The following SMYD3 variants were observed in gnomAD, a reference collection of about 807,000 sequenced individuals.
SMYD3 encodes the protein histone-lysine N-methyltransferase SMYD3.
In SMYD3, 36 loss-of-function variants were observed where a neutral mutation model predicts 57.7. That is an observed-to-expected ratio of 0.62 (90% CI 0.48 to 0.82). The LOEUF is 0.82. SMYD3 is among the 40% of genes least tolerant of loss of function. The probability of loss-of-function intolerance (pLI) is 0.00; values close to 1 mark genes in which losing one functional copy is unlikely to be tolerated. For synonymous variants in SMYD3, 211 were observed against 195.0 expected (o/e 1.08, Z -0.68); for missense variants, 515 against 538.8 (o/e 0.96, Z 0.44).
At position 246,350,429 on chromosome 1, in the gene SMYD3, C is replaced by T. The variant is rs142657129; in HGVS notation, c.228+4602G>A. ...CAATGCAGCTAATCCAGAAAAGAGACCATGGTAACAGGTAGTACTAAAGAA... is the reference window on the plus strand; with the variant it reads ...CAATGCAGCTAATCCAGAAAAGAGATCATGGTAACAGGTAGTACTAAAGAA... On this transcript the variant is annotated intron_variant, in intron 2 of 11. Coordinates refer to ENST00000490107, the MANE Select transcript of SMYD3 (RefSeq NM_001167740.2). 2.0e-3 allele frequency among the ~76,000 whole-genome samples: 302 copies of T among 152,278 alleles called. 1 individual carries two copies. The highest frequency in any genetic ancestry group is 7.1e-3 in the African/African-American group (296 of 41,554).
intron 5 of SMYD3, among the ~76,000 whole-genome samples, chr1:246,144,387 C>A (rs1298308768): frequency 6.6e-6 from 1 of 152,202 alleles, no homozygotes; most frequent in African/African-American, 2.4e-5. Flanking sequence ...TATTATTAAA[C>A]TACAGTTTTT....
intron 5 of SMYD3, among the ~76,000 whole-genome samples, chr1:246,120,756 A>T (rs2061412681): frequency 6.6e-6 from 1 of 151,910 alleles, no homozygotes; most frequent in African/African-American, 2.4e-5. Context: ...CTCCAACCCA[A>T]CCATCCCTCC....
chr1:246,258,600 A>T (rs961639226), intron 5 of SMYD3, among the ~76,000 whole-genome samples: 1 of 152,180 alleles, frequency 6.6e-6, no homozygotes, highest in African/African-American at 2.4e-5. Flanking sequence ...TTGGCCTGAT[A>T]GGGCTCCTGT....
intron 5 of SMYD3, among the ~76,000 whole-genome samples, chr1:246,064,391 G>A (rs191079968): frequency 2.6e-5 from 4 of 152,226 alleles, no homozygotes; most frequent in African/African-American, 9.6e-5. Flanking sequence ...CAGAAAGCAT[G>A]GCACTTTCTT....
chr1:246,409,038 G>C (rs959571098), intron 1 of SMYD3, among the ~76,000 whole-genome samples: 1 of 151,722 alleles, frequency 6.6e-6, no homozygotes, highest in East Asian at 1.9e-4. Flanking sequence ...TTTTTTTCTT[G>C]TAAATTTGTT....
At chr1:246,003,273 A>G (rs1009985479) in intron 5 of SMYD3, among the ~76,000 whole-genome samples, 1 of 152,224 alleles carries the variant, frequency 6.6e-6, no homozygotes, top group Non-Finnish European at 1.5e-5. Context: ...GAAGGTTGTC[A>G]TCTGCTTCTC....
intron 5 of SMYD3, among the ~76,000 whole-genome samples, chr1:246,042,564 G>A (rs376615934): frequency 2.0e-5 from 3 of 152,274 alleles, no homozygotes; most frequent in East Asian, 3.9e-4. Flanking sequence ...TTAGTGAACC[G>A]ATTCTAACAC....
intron 1 of SMYD3, among the ~76,000 whole-genome samples, chr1:246,504,348 G>T (rs1427241128): frequency 6.6e-6 from 1 of 152,132 alleles, no homozygotes. Context: ...ACACACCTAG[G>T]CTAGCAGGTA....
At chr1:245,984,784 T>G (rs745779588) in intron 5 of SMYD3, among the ~76,000 whole-genome samples, 1 of 152,178 alleles carries the variant, frequency 6.6e-6, no homozygotes, top group Non-Finnish European at 1.5e-5. Context: ...ATGTTCAAAT[T>G]TGTCATCTTA....
At chr1:246,174,417 G>A (rs10924530) in intron 5 of SMYD3, among the ~76,000 whole-genome samples, 34,569 of 151,976 alleles carry the variant, frequency 0.23, 4,625 homozygotes, top group African/African-American at 0.35. Flanking sequence ...ACATCATTAT[G>A]CTGCCATGAC....
intron 5 of SMYD3, among the ~76,000 whole-genome samples, chr1:246,227,528 T>A (rs2063346919): frequency 6.6e-6 from 1 of 151,926 alleles, no homozygotes; most frequent in Non-Finnish European, 1.5e-5. Flanking sequence ...GGCAGGAGAA[T>A]CACTTGAACG....
chr1:246,326,204 C>T, intron 5 of SMYD3: 1 of 439,390 alleles, frequency 2.3e-6, no homozygotes, highest in South Asian at 6.2e-5. Context: ...CGTGTGCTTA[C>T]AAATTACAAA....
intron 10 of SMYD3, chr1:245,788,902 T>C (rs2047154846): frequency 6.6e-6 from 1 of 152,226 alleles, no homozygotes; most frequent in Non-Finnish European, 1.5e-5. Flanking sequence ...GTGGTGCCAG[T>C]GTGCCACTGC....
intron 5 of SMYD3, among the ~76,000 whole-genome samples, chr1:246,172,167 T>C (rs2062347500): frequency 6.6e-6 from 1 of 152,090 alleles, no homozygotes; most frequent in Admixed American, 6.5e-5. Context: ...TACTGTAGAC[T>C]ATCCACACTG....
At chr1:245,784,502 C>T (rs1037689126) in intron 10 of SMYD3, among the ~76,000 whole-genome samples, 2 of 152,162 alleles carry the variant, frequency 1.3e-5, no homozygotes, top group African/African-American at 2.4e-5. Context: ...CTCAAAACAG[C>T]TGCAGCTCAA....
intron 1 of SMYD3, among the ~76,000 whole-genome samples, chr1:246,444,185 T>G (rs1398702432): frequency 6.7e-6 from 1 of 149,226 alleles, no homozygotes; most frequent in Non-Finnish European, 1.5e-5. Context: ...AGAGTGCAGG[T>G]GCTTGATCTC....
intron 1 of SMYD3, among the ~76,000 whole-genome samples, chr1:246,356,735 CA>C (rs1357379948): frequency 1.3e-5 from 2 of 152,032 alleles, no homozygotes; most frequent in Non-Finnish European, 2.9e-5. Flanking sequence ...CCCAATCCAT[CA>C]AAGACAAAGA....
At chr1:245,823,458 C>G (rs1192527971) in intron 10 of SMYD3, among the ~76,000 whole-genome samples, 1 of 152,194 alleles carries the variant, frequency 6.6e-6, no homozygotes, top group Non-Finnish European at 1.5e-5. Flanking sequence ...CCTTTAACCC[C>G]AAACATCTGA....
chr1:246,079,884 T>G (rs34793141), intron 5 of SMYD3, among the ~76,000 whole-genome samples: 26,052 of 152,112 alleles, frequency 0.17, 4,105 homozygotes, highest in African/African-American at 0.42. Flanking sequence ...CCATAGAAAG[T>G]GATCTCTAAT....
Sources: allele counts gnomAD v4.1 joint callset (sites outside exome capture counted in the v4.1 genomes callset), GRCh38; gene constraint gnomAD v4.1.1; transcripts MANE v1.5; gene names NCBI Gene and HGNC (gene_info 2026-07-23, HGNC 2026-07-21).